IQSEC3: variants seen among roughly 807,000 people sequenced by gnomAD.
IQSEC3 encodes the protein IQ motif and Sec7 domain ArfGEF 3, also known as IQ motif and SEC7 domain-containing protein 3.
In IQSEC3, 50 loss-of-function variants were observed where a neutral mutation model predicts 105.4. The observed-to-expected ratio is 0.47, with a 90% CI of 0.38 to 0.60. IQSEC3 has a LOEUF of 0.60. Ranked by LOEUF, IQSEC3 falls within the 20% of genes least tolerant of loss-of-function variation. IQSEC3 has a pLI of 0.00. For missense variants in IQSEC3, 1,415 were observed against 1,630.0 expected (o/e 0.87, Z 2.27); for synonymous variants, 708 against 746.0 (o/e 0.95, Z 0.83).
At chr12:140,884 C>G (rs528810263) in intron 4 of IQSEC3, 13 of 482,560 alleles carry the variant, frequency 2.7e-5, no homozygotes, top group African/African-American at 2.5e-4. Flanking sequence ...GAGAAGGGTA[C>G]TTCTCCTCCA....
intron 5 of IQSEC3, among the ~76,000 whole-genome samples, chr12:146,222 T>A (rs953739708): frequency 1.2e-4 from 18 of 152,220 alleles, no homozygotes; most frequent in African/African-American, 4.3e-4. Context: ...CCTGCCCACA[T>A]TGCTGTGTAT....
At chr12:106,692 T>C (rs949917898) in intron 2 of IQSEC3, 13 of 152,266 alleles carry the variant, frequency 8.5e-5, no homozygotes, top group African/African-American at 3.1e-4. Context: ...TTTCATTTAC[T>C]GGAAGCTTCT....
At chr12:107,089 A>G (rs1379147614) in intron 2 of IQSEC3, among the ~76,000 whole-genome samples, 1 of 152,218 alleles carries the variant, frequency 6.6e-6, no homozygotes, top group Non-Finnish European at 1.5e-5. Flanking sequence ...GCCTATGAAG[A>G]AAGACTGGAG....
intron 6 of IQSEC3, among the ~76,000 whole-genome samples, 162 bp from the exon 7 acceptor site, chr12:157,366 G>C (rs1406215758): frequency 1.3e-5 from 2 of 152,066 alleles, no homozygotes; most frequent in Non-Finnish European, 2.9e-5. Flanking sequence ...GGGGCATTTG[G>C]GGGTGTGGGG....
intron 5 of IQSEC3, chr12:141,524 G>C: frequency 2.1e-6 from 1 of 486,974 alleles, no homozygotes; most frequent in Non-Finnish European, 3.6e-6. Flanking sequence ...AGGCAGCAGG[G>C]ATACAGAAAT....
Position 125,928 on chromosome 12 carries a change from T to G in IQSEC3, c.903+16T>G. 6.5e-7 allele frequency: 1 copy of G among 1,528,962 alleles called. No individual in the cohort carries two copies. The highest frequency in any genetic ancestry group is 8.7e-7 in the Non-Finnish European group (1 of 1,144,548). 94.7% of individuals were successfully genotyped at this position (1,528,962 alleles called of 1,614,324 possible). A position where few individuals can be genotyped will look rare whatever the true frequency, so the allele number is the denominator to read the frequency against. On this transcript the variant is annotated intron_variant, in intron 3 of 13. Transcript: ENST00000538872. ...GAATAAACAGGTACCCAGGGCCTCC[T>G]AGGGGGGCGGGGAGGGTGGTGAAGG...
chr12:147,324 C>T (rs1156851890), intron 5 of IQSEC3, among the ~76,000 whole-genome samples: 3 of 152,328 alleles, frequency 2.0e-5, no homozygotes, highest in East Asian at 1.9e-4. Flanking sequence ...TGCTGTGTGC[C>T]ACAGGTGCTG....
In IQSEC3 at chr12:125,863, C is replaced by T. The variant is rs781858989; in HGVS notation, c.854C>T (p.Ala285Val). ...PALATALCPH[A>V]PAASDYELSL... is the part of the protein sequence containing the mutation. ...CTGGCGACGGCGCTGTGCCCCCACG[C>T]CCCTGCCGCCTCCGATTACGAACTC... Residue 285 changes from alanine to valine, a missense_variant, in exon 3 of 14, where the codon GCC (alanine) becomes GTC (valine). Physicochemically the swap from Ala to Val is moderately conservative, Grantham distance 64 (BLOSUM62 0). This residue lies in a region of IQSEC3 where 720 missense variants were observed against 633.0 expected (regional missense o/e 1.14). Transcript: ENST00000538872. The T allele has an allele frequency of 5.2e-6, 8 of 1,533,692 alleles. No individual in the cohort carries two copies. Among genetic ancestry groups the T allele is most frequent in the South Asian group, 1.2e-5 (1 of 84,002 alleles).
At position 157,518 on chromosome 12, in the gene IQSEC3, C is replaced by G. The variant is rs371932963; in HGVS notation, c.2277-10C>G. ...GCTCAGCGTCCGCTCTGCATCTGAC[C>G]CCCCCACAGCCAGCGCTACTGCATG... is the stretch of plus-strand genomic sequence containing the variant. On this transcript the variant is annotated splice_polypyrimidine_tract_variant and intron_variant, in intron 6 of 13. Coordinates refer to ENST00000538872, the MANE Select transcript of IQSEC3 (RefSeq NM_001170738.2). 3 of 1,606,094 alleles carry G rather than the reference C, an allele frequency of 1.9e-6. No individual in the cohort carries two copies. Among genetic ancestry groups the G allele is most frequent in the Non-Finnish European group, 2.6e-6 (3 of 1,175,612 alleles).
In IQSEC3 at chr12:139,161, A is replaced by G; in HGVS notation, c.1798A>G (p.Ser600Gly). 1.3e-6 allele frequency: 2 copies of G among 1,565,336 alleles called. No homozygotes were observed. The highest frequency in any genetic ancestry group is 1.7e-6 in the Non-Finnish European group (2 of 1,157,240). ...AGGCGACTTGGAGCAGCTGAGCAGCAGCAGCACGTCCACCAAGTCCGCCAA... is the reference window on the plus strand; with the variant it reads ...AGGCGACTTGGAGCAGCTGAGCAGCGGCAGCACGTCCACCAAGTCCGCCAA... ...EAGDLEQLSS[S>G]STSTKSAKSG... Residue 600 changes from serine to glycine, a missense_variant, in exon 4 of 14, where the codon AGC (serine) becomes GGC (glycine). Physicochemically the swap from Ser to Gly is moderately conservative, Grantham distance 56. This residue lies in a region of IQSEC3 where 720 missense variants were observed against 633.0 expected (regional missense o/e 1.14). Transcript: ENST00000538872.
chr12:111,441 T>C (rs962010438), intron 2 of IQSEC3, among the ~76,000 whole-genome samples: 16 of 152,172 alleles, frequency 1.1e-4, no homozygotes, highest in African/African-American at 3.6e-4. Flanking sequence ...GGGTTCTCTT[T>C]AGTTCCCTCT....
At chr12:109,604 A>G (rs540877940) in intron 2 of IQSEC3, among the ~76,000 whole-genome samples, 2 of 134,530 alleles carry the variant, frequency 1.5e-5, no homozygotes, top group Admixed American at 7.3e-5. Flanking sequence ...TCTCCTCCAC[A>G]TCCCCTTCTC....
At chr12:69,846 G>T (rs1242170487) in intron 1 of IQSEC3, among the ~76,000 whole-genome samples, 4 of 152,266 alleles carry the variant, frequency 2.6e-5, no homozygotes, top group Admixed American at 1.3e-4. Context: ...GGCCCGTTTT[G>T]TATGTTTGTT....
chr12:119,008 G>C (rs1390981209), intron 2 of IQSEC3, among the ~76,000 whole-genome samples: 10 of 152,224 alleles, frequency 6.6e-5, no homozygotes, highest in Admixed American at 6.5e-4. Context: ...CACCGTGGTG[G>C]ATATGCTAAC....
At position 88,294 on chromosome 12, in the gene IQSEC3, G is replaced by A. The variant is rs1384551024; in HGVS notation, c.555-10852G>A. On this transcript the variant is annotated intron_variant, in intron 1 of 13. Transcript: ENST00000538872. ...AGCTGGTGGGGCACTGGGCCTCTTC[G>A]GAGTACAACAGAAAAAACACTGAGT... Among the ~76,000 whole-genome samples the A allele has an allele frequency of 7.9e-5, 12 of 152,014 alleles. 1 individual carries two copies. The highest frequency in any genetic ancestry group is 6.5e-4 in the Admixed American group (10 of 15,280).
intron 1 of IQSEC3, among the ~76,000 whole-genome samples, chr12:70,111 C>T (rs2136855456): frequency 6.6e-6 from 1 of 152,402 alleles, no homozygotes; most frequent in Middle Eastern, 3.4e-3. Context: ...GGCCTCCTTT[C>T]AGCAAGAACG....
At chr12:79,896 T>C (rs1863686773) in intron 1 of IQSEC3, among the ~76,000 whole-genome samples, 1 of 152,204 alleles carries the variant, frequency 6.6e-6, no homozygotes, top group Admixed American at 6.5e-5. Flanking sequence ...TGTTTATTTC[T>C]TTTTACAGAG....
chr12:124,328 G>A (rs2136965333), intron 2 of IQSEC3, among the ~76,000 whole-genome samples: 1 of 147,782 alleles, frequency 6.8e-6, no homozygotes, highest in Admixed American at 6.9e-5. Context: ...GGTGGAGGTT[G>A]CAGTGAGCCA....
chr12:99,583 C>G (rs1391990138), intron 2 of IQSEC3, among the ~76,000 whole-genome samples: 1 of 152,240 alleles, frequency 6.6e-6, no homozygotes, highest in Non-Finnish European at 1.5e-5. Flanking sequence ...CAGCCCATGC[C>G]CAGTGCCCAG....
Sources: gnomAD v4.1 joint callset for allele counts (sites outside exome capture counted in the v4.1 genomes callset) on GRCh38, gnomAD v4.1.1 for gene constraint, gnomAD v4.1.1 regional missense constraint, MANE v1.5 for transcripts, NCBI Gene and HGNC (gene_info 2026-07-23, HGNC 2026-07-21) for gene names.